The following DNAJC3 variants were observed in gnomAD, a reference collection of about 807,000 sequenced individuals.
The protein encoded by DNAJC3 is DnaJ heat shock protein family (Hsp40) member C3.
A neutral mutation model predicts 68.6 loss-of-function variants in DNAJC3; 38 were observed. The ratio of observed to expected loss-of-function variants is 0.55; its 90% CI spans 0.43 to 0.73. The LOEUF is 0.73. Ranked by LOEUF, DNAJC3 falls within the 30% of genes least tolerant of loss-of-function variation. The pLI is 0.00. For synonymous variants in DNAJC3, 203 were observed against 204.0 expected (o/e 1.00, Z 0.04); for missense variants, 526 against 591.9 (o/e 0.89, Z 1.16).
intron 2 of DNAJC3, among the ~76,000 whole-genome samples, chr13:95,715,933 G>A (rs967635958): frequency 1.3e-5 from 2 of 151,460 alleles, no homozygotes; most frequent in East Asian, 3.9e-4. Context: ...AAGGTGGGCG[G>A]ATCACCTGAG....
At chr13:95,687,493 T>A (rs899311236) in intron 1 of DNAJC3, among the ~76,000 whole-genome samples, 2 of 152,204 alleles carry the variant, frequency 1.3e-5, no homozygotes, top group African/African-American at 4.8e-5. Flanking sequence ...TTCAGTATAT[T>A]GGCTGTGGGT....
At chr13:95,705,036 G>C (rs1038771606) in intron 1 of DNAJC3, among the ~76,000 whole-genome samples, 3 of 151,910 alleles carry the variant, frequency 2.0e-5, no homozygotes, top group African/African-American at 7.3e-5. Context: ...ATTTTTAGTA[G>C]AGATGGGGTT....
intron 4 of DNAJC3, among the ~76,000 whole-genome samples, chr13:95,729,944 C>T (rs894520626): frequency 6.6e-6 from 1 of 152,116 alleles, no homozygotes; most frequent in East Asian, 1.9e-4. Context: ...TTTCTGTAGT[C>T]AACAGCTTGT....
At chr13:95,683,393 C>CT (rs1185557811) in intron 1 of DNAJC3, among the ~76,000 whole-genome samples, 2 of 152,042 alleles carry the variant, frequency 1.3e-5, no homozygotes, top group Non-Finnish European at 2.9e-5. Context: ...GGGGTGGTTT[C>CT]TAATGGTTTA....
chr13:95,702,424 C>T (rs1268490259), intron 1 of DNAJC3, among the ~76,000 whole-genome samples: 2 of 152,194 alleles, frequency 1.3e-5, no homozygotes, highest in Non-Finnish European at 2.9e-5. Context: ...AACAAAGCAA[C>T]TTTATTTTTG....
chr13:95,744,041 A>T (rs1882230713), intron 4 of DNAJC3, among the ~76,000 whole-genome samples: 1 of 152,228 alleles, frequency 6.6e-6, no homozygotes. Flanking sequence ...ATAAACTTAC[A>T]GATTAATTTG....
rs558242238 is a variant in DNAJC3 at position 95,792,719 on chromosome 13, T to C, written c.*1689T>C. On this transcript the variant is annotated 3_prime_UTR_variant, in exon 12 of 12. Transcript: ENST00000602402. Reference sequence around the variant, plus strand: ...ACTAGTGAACACCTTACAGCTTTCATTTTGCTTTAATGTTTCAATTCAAGC... The same window carrying C: ...ACTAGTGAACACCTTACAGCTTTCACTTTGCTTTAATGTTTCAATTCAAGC... 4 of 152,312 alleles carry C rather than the reference T, an allele frequency of 2.6e-5. No homozygotes were observed. Among genetic ancestry groups the C allele is most frequent in the African/African-American group, 9.6e-5 (4 of 41,570 alleles). 9.4% of individuals were successfully genotyped at this position (152,312 alleles called of 1,614,324 possible). A position where few individuals can be genotyped will look rare whatever the true frequency, so the allele number is the denominator to read the frequency against.
At position 95,760,801 on chromosome 13, in the gene DNAJC3, G is replaced by T; in HGVS notation, c.848+3G>T. 2 of 1,610,258 alleles carry T rather than the reference G, an allele frequency of 1.2e-6. No individual in the cohort carries two copies. The highest frequency in any genetic ancestry group is 1.1e-5 in the South Asian group (1 of 90,518). ...GAAGAGCTCATCAGAGATGGCAGGT[G>T]AGAATATGGTTGTTCCAACTGTCCA... is the stretch of plus-strand genomic sequence containing the variant. On this transcript the variant is annotated splice_donor_region_variant and intron_variant, in intron 7 of 11. Coordinates refer to ENST00000602402, the MANE Select transcript of DNAJC3 (RefSeq NM_006260.5).
intron 9 of DNAJC3, among the ~76,000 whole-genome samples, chr13:95,776,776 T>G (rs933565950): frequency 1.3e-5 from 2 of 152,206 alleles, no homozygotes; most frequent in Non-Finnish European, 2.9e-5. Flanking sequence ...GTTGAGGAAA[T>G]TTTTTAGGAT....
chr13:95,773,987 G>C (rs928113365), intron 9 of DNAJC3, among the ~76,000 whole-genome samples: 3 of 152,036 alleles, frequency 2.0e-5, no homozygotes, highest in African/African-American at 7.2e-5. Flanking sequence ...CACCCGCCTT[G>C]GCCTCCCAAA....
At position 95,763,932 on chromosome 13, in the gene DNAJC3, A is replaced by G. The variant is rs1033543275; in HGVS notation, c.1054A>G (p.Ile352Val). The change falls in exon 9 of 12, where the codon ATA becomes GTA. Residue 352 changes from isoleucine to valine, a missense_variant. Transcript: ENST00000602402. Reference sequence around the variant, plus strand: ...GAAAGATCGAGCAGAGGCCTATTTGATAGAGGAAATGTATGATGAAGGTAA... The same window carrying G: ...GAAAGATCGAGCAGAGGCCTATTTGGTAGAGGAAATGTATGATGAAGGTAA... Reference protein sequence around the residue: ...ALKDRAEAYLIEEMYDEAIQD... With the variant: ...ALKDRAEAYLVEEMYDEAIQD... 5 of 1,613,892 alleles carry G rather than the reference A, an allele frequency of 3.1e-6. No individual in the cohort carries two copies. The highest frequency in any genetic ancestry group is 1.1e-5 in the South Asian group (1 of 91,070).
intron 1 of DNAJC3, among the ~76,000 whole-genome samples, chr13:95,685,929 C>G (rs1880062600): frequency 6.6e-6 from 1 of 150,622 alleles, no homozygotes. Context: ...GCTTGTATGT[C>G]TTCTTTTGAG....
intron 4 of DNAJC3, among the ~76,000 whole-genome samples, chr13:95,734,086 T>C (rs1881807340): frequency 6.6e-6 from 1 of 152,222 alleles, no homozygotes; most frequent in Non-Finnish European, 1.5e-5. Flanking sequence ...TTTTCTGTAG[T>C]GGTAACATTT....
intron 1 of DNAJC3, among the ~76,000 whole-genome samples, chr13:95,708,247 T>C (rs7324577): frequency 0.09 from 13,673 of 152,224 alleles, 895 homozygotes; most frequent in African/African-American, 0.19. Context: ...AAAGAGGAAA[T>C]GCCTGCAAAC....
chr13:95,713,423 C>G (rs1347365920), intron 2 of DNAJC3, among the ~76,000 whole-genome samples: 1 of 152,014 alleles, frequency 6.6e-6, no homozygotes, highest in Non-Finnish European at 1.5e-5. Flanking sequence ...AAGAAGAAAT[C>G]TAATGAAAGA....
At chr13:95,706,071 G>A (rs1347710009) in intron 1 of DNAJC3, among the ~76,000 whole-genome samples, 1 of 152,204 alleles carries the variant, frequency 6.6e-6, no homozygotes, top group Non-Finnish European at 1.5e-5. Flanking sequence ...TCAAGTTTCA[G>A]TCAGCCAATC....
chr13:95,691,568 A>G (rs1398012007), intron 1 of DNAJC3, among the ~76,000 whole-genome samples: 1 of 146,676 alleles, frequency 6.8e-6, no homozygotes, highest in Non-Finnish European at 1.5e-5. Flanking sequence ...CTCACTTTCC[A>G]GACTAGGCAG....
chr13:95,777,329 T>C (rs754311674), intron 9 of DNAJC3, among the ~76,000 whole-genome samples: 1 of 152,222 alleles, frequency 6.6e-6, no homozygotes. Context: ...TGCTAGGATA[T>C]GTCTTCTTGT....
chr13:95,724,704 T>C (rs1173951595), intron 3 of DNAJC3, among the ~76,000 whole-genome samples: 4 of 152,184 alleles, frequency 2.6e-5, no homozygotes, highest in African/African-American at 7.2e-5. Context: ...CCACTTATCA[T>C]AGATTTGTTT....
Sources: allele counts gnomAD v4.1 joint callset (sites outside exome capture counted in the v4.1 genomes callset), GRCh38; gene constraint gnomAD v4.1.1; transcripts MANE v1.5; gene names NCBI Gene and HGNC (gene_info 2026-07-23, HGNC 2026-07-21).